Variants in PCDHGA10 observed in about 807,000 individuals in gnomAD.
The protein encoded by PCDHGA10 is protocadherin gamma-A10.
PCDHGA10 carries 42 observed loss-of-function variants against 59.5 expected under a neutral mutation model. The ratio of observed to expected loss-of-function variants is 0.71; its 90% CI spans 0.55 to 0.91. PCDHGA10 has a LOEUF of 0.91. PCDHGA10 is among the 40% of genes least tolerant of loss of function. PCDHGA10 has a pLI of 0.00. For synonymous variants in PCDHGA10, 511 were observed against 517.2 expected, an observed-to-expected ratio of 0.99 and a Z score of 0.16; for missense variants, 1,111 against 1,198.2, an observed-to-expected ratio of 0.93 and a Z score of 1.07.
At position 141,486,272 on chromosome 5, in the gene PCDHGA10, A is replaced by C. The variant is rs2099627166; in HGVS notation, c.2437-8535A>C. On this transcript the variant is annotated intron_variant, in intron 1 of 3. Transcript: ENST00000398610. The surrounding 1 kb of genome is among the most constrained non-coding windows in gnomAD (Gnocchi z 5.0). ...CCTCCCCGAGAGTGCAGAACCTGGC[A>C]CTGTGGTGGCACTTATCAGTGTGCA... 1 of 1,613,886 alleles carries C rather than the reference A, an allele frequency of 6.2e-7. No individual in the cohort carries two copies. Among genetic ancestry groups the C allele is most frequent in the Non-Finnish European group, 8.5e-7 (1 of 1,179,986 alleles).
At chr5:141,452,538 G>T (rs1330051133) in intron 1 of PCDHGA10, among the ~76,000 whole-genome samples, 1 of 152,148 alleles carries the variant, frequency 6.6e-6, no homozygotes, top group Non-Finnish European at 1.5e-5. Flanking sequence ...AGTTCATATT[G>T]ATACCTCCAG....
intron 1 of PCDHGA10, among the ~76,000 whole-genome samples, chr5:141,439,279 CT>C (rs2098102664): frequency 6.6e-6 from 1 of 151,930 alleles, no homozygotes; most frequent in African/African-American, 2.4e-5. Flanking sequence ...CATTCTGAGA[CT>C]GTGTTCCATG....
intron 2 of PCDHGA10, among the ~76,000 whole-genome samples, chr5:141,498,956 AGAGG>A (rs1198207839): frequency 1.1e-4 from 14 of 124,162 alleles, no homozygotes; most frequent in East Asian, 2.7e-4. Context: ...AAAAAGAGAG[AGAGG>A]GAGGGAGGGA....
At position 141,415,832 on chromosome 5, in the gene PCDHGA10, T is replaced by C. The variant is rs995620508; in HGVS notation, c.2436+221T>C. On this transcript the variant is annotated intron_variant, in intron 1 of 3. Coordinates refer to ENST00000398610, the MANE Select transcript of PCDHGA10 (RefSeq NM_018913.3). ...GCCTATATATCATAAGGCTTTGTTA[T>C]GATTAGCTTTGCAGAACCTTGTAGT... 33 of 1,310,754 alleles carry C rather than the reference T, an allele frequency of 2.5e-5. No individual in the cohort carries two copies. The African/African-American group carries it at 4.7e-4, about 19-fold the overall frequency. 81.2% of individuals were successfully genotyped at this position (1,310,754 alleles called of 1,614,324 possible).
At position 141,438,243 on chromosome 5, in the gene PCDHGA10, A is replaced by C. The variant is rs1445738408; in HGVS notation, c.2436+22632A>C. ...TGGTTCAGGAAAATGTTTTTAAAAA[A>C]CTGTCATTGAAGAGACCATAGAATC... On this transcript the variant is annotated intron_variant, in intron 1 of 3. Coordinates refer to ENST00000398610, the MANE Select transcript of PCDHGA10 (RefSeq NM_018913.3). Among the ~76,000 whole-genome samples, 3 of 152,250 alleles carry C rather than the reference A, an allele frequency of 2.0e-5. No individual in the cohort carries two copies. In the East Asian group the frequency reaches 5.8e-4, roughly 29 times the overall value.
chr5:141,442,534 GA>G (rs1156284172), intron 1 of PCDHGA10: 1 of 152,222 alleles, frequency 6.6e-6, no homozygotes, highest in Non-Finnish European at 1.5e-5. Context: ...TCTCCAAGGT[GA>G]AAAATTCTTG....
At chr5:141,469,111 T>TA (rs1275770294) in intron 1 of PCDHGA10, among the ~76,000 whole-genome samples, 1 of 151,476 alleles carries the variant, frequency 6.6e-6, no homozygotes, top group African/African-American at 2.4e-5. Context: ...AACCTGTCTC[T>TA]AAAAAAATTT....
At position 141,512,765 on chromosome 5, in the gene PCDHGA10, G is replaced by C. The variant is rs988707269; in HGVS notation, c.*1592G>C. 1 of 152,668 alleles carries C rather than the reference G, an allele frequency of 6.6e-6. No individual in the cohort carries two copies. The highest frequency in any genetic ancestry group is 1.5e-5 in the Non-Finnish European group (1 of 68,460). The allele number at this position is 152,668 out of a possible 1,614,324, so 9.5% of individuals were successfully genotyped here. On this transcript the variant is annotated 3_prime_UTR_variant, in exon 4 of 4. Transcript: ENST00000398610. ...CCGCGCAGCCGTCTGTCCTTGATCT[G>C]CCCGCGGCGGCCCGTGTTGTGTTTT...
chr5:141,478,378 G>C, intron 1 of PCDHGA10: 1 of 1,613,558 alleles, frequency 6.2e-7, no homozygotes, highest in Non-Finnish European at 8.5e-7. Flanking sequence ...TGATGTCGCC[G>C]CACCTTTACC....
At chr5:141,481,524 A>G (rs186970700) in intron 1 of PCDHGA10, among the ~76,000 whole-genome samples, 4 of 152,240 alleles carry the variant, frequency 2.6e-5, no homozygotes, top group African/African-American at 9.6e-5. Flanking sequence ...CTCAGTAAAA[A>G]TCTAGAGATG....
intron 1 of PCDHGA10, among the ~76,000 whole-genome samples, chr5:141,450,099 C>T (rs2098669229): frequency 6.6e-6 from 1 of 151,500 alleles, no homozygotes; most frequent in African/African-American, 2.4e-5. Flanking sequence ...CTCCGCCTCC[C>T]AGGTTCAAAT....
chr5:141,497,187 G>T (rs1475463841), intron 2 of PCDHGA10, among the ~76,000 whole-genome samples: 2 of 139,586 alleles, frequency 1.4e-5, no homozygotes, highest in Non-Finnish European at 3.0e-5. Flanking sequence ...GTTCTGAGAG[G>T]CAGAGAACAA....
intron 1 of PCDHGA10, chr5:141,422,266 G>A (rs1393466157): frequency 6.4e-7 from 1 of 1,563,654 alleles, no homozygotes; most frequent in Non-Finnish European, 8.6e-7. Context: ...TAACGCTCCA[G>A]AAATAACTAT....
At position 141,474,199 on chromosome 5, in the gene PCDHGA10, G is replaced by C. The variant is rs74540928; in HGVS notation, c.2437-20608G>C. Reference sequence around the variant, plus strand: ...AAAACTACTTACATTTTTAAAAGCTGATTTTCAAAAACCAGATTGTGAATT... The same window carrying C: ...AAAACTACTTACATTTTTAAAAGCTCATTTTCAAAAACCAGATTGTGAATT... On this transcript the variant is annotated intron_variant, in intron 1 of 3. Transcript: ENST00000398610. Among the ~76,000 whole-genome samples, 85 of 152,308 alleles carry C rather than the reference G, an allele frequency of 5.6e-4. 1 individual carries two copies. In the East Asian group the frequency reaches 0.016, roughly 29 times the overall value.
In PCDHGA10 at chr5:141,485,869, G is replaced by A; in HGVS notation, c.2437-8938G>A. On this transcript the variant is annotated intron_variant, in intron 1 of 3. Coordinates refer to ENST00000398610, the MANE Select transcript of PCDHGA10 (RefSeq NM_018913.3). The surrounding 1 kb of genome is among the most constrained non-coding windows in gnomAD (Gnocchi z 5.7). ...GCACCGCAGAGCTCCGGGTATCCGT[G>A]CTGGACGTAAACGACAACGCCCCAG... is the stretch of plus-strand genomic sequence containing the variant. 1 of 1,614,176 alleles carries A rather than the reference G, an allele frequency of 6.2e-7. No individual in the cohort carries two copies. The highest frequency in any genetic ancestry group is 8.5e-7 in the Non-Finnish European group (1 of 1,180,040).
rs143138320 is a variant in PCDHGA10 at position 141,489,458 on chromosome 5, G to C, written c.2437-5349G>C. The stretch of plus-strand genomic sequence containing the variant: ...CAATTGGGCTCTGAGGAGAATGGGC[G>C]CTATTTTTCCCTGAGCTTGATGAGT... On this transcript the variant is annotated intron_variant, in intron 1 of 3. Coordinates refer to ENST00000398610, the MANE Select transcript of PCDHGA10 (RefSeq NM_018913.3). The surrounding 1 kb of genome is among the most constrained non-coding windows in gnomAD (Gnocchi z 4.5). 3.7e-6 allele frequency: 6 copies of C among 1,613,924 alleles called. No individual in the cohort carries two copies. The highest frequency in any genetic ancestry group is 5.1e-6 in the Non-Finnish European group (6 of 1,180,000).
chr5:141,478,956 T>C (rs2099484450), intron 1 of PCDHGA10, among the ~76,000 whole-genome samples: 1 of 152,200 alleles, frequency 6.6e-6, no homozygotes. Context: ...AACTACCTCA[T>C]TCCTCCACCT....
intron 1 of PCDHGA10, chr5:141,419,579 C>A: frequency 6.2e-7 from 1 of 1,611,812 alleles, no homozygotes; most frequent in Non-Finnish European, 8.5e-7. Flanking sequence ...CGGCTCCGCG[C>A]TCTTCGACAC....
At chr5:141,508,576 C>A (rs1437398161) in intron 3 of PCDHGA10, among the ~76,000 whole-genome samples, 1 of 152,136 alleles carries the variant, frequency 6.6e-6, no homozygotes, top group African/African-American at 2.4e-5. Flanking sequence ...TGCACCCACT[C>A]GGGGTGCTAC....
Sources: allele counts gnomAD v4.1 joint callset (sites outside exome capture counted in the v4.1 genomes callset), GRCh38; gene constraint gnomAD v4.1.1; non-coding constraint Gnocchi (gnomAD v3.1); transcripts MANE v1.5; gene names NCBI Gene and HGNC (gene_info 2026-07-23, HGNC 2026-07-21).